The following KDM4A variants were observed in gnomAD, a reference collection of about 807,000 sequenced individuals.
KDM4A encodes lysine-specific demethylase 4A.
In KDM4A, 23 loss-of-function variants were observed where a neutral mutation model predicts 127.1. The observed-to-expected ratio is 0.18, with a 90% confidence interval of 0.13 to 0.26. The LOEUF is 0.26. Ranked by LOEUF, KDM4A falls within the 10% of genes least tolerant of loss-of-function variation. The pLI is 1.00. For missense variants in KDM4A, 890 were observed against 1,329.1 expected (o/e 0.67, Z 5.14); for synonymous variants, 443 against 466.5 (o/e 0.95, Z 0.65).
At chr1:43,674,537 G>T (rs1330596020) in intron 11 of KDM4A, among the ~76,000 whole-genome samples, 4 of 150,910 alleles carry the variant, frequency 2.7e-5, no homozygotes, top group Admixed American at 1.3e-4. Flanking sequence ...TTTGTGGGGG[G>T]ACTGAGTCTC....
At chr1:43,675,154 A>G (rs1337926640) in intron 11 of KDM4A, among the ~76,000 whole-genome samples, 1 of 152,172 alleles carries the variant, frequency 6.6e-6, no homozygotes, top group Non-Finnish European at 1.5e-5. Flanking sequence ...TCTCTGCTCC[A>G]TCGCCAACCA....
chr1:43,661,563 T>G (rs570680698), intron 4 of KDM4A, among the ~76,000 whole-genome samples: 1 of 139,114 alleles, frequency 7.2e-6, no homozygotes, highest in Non-Finnish European at 1.5e-5. Flanking sequence ...GAGCCGAGAT[T>G]GCACCACTGC....
In KDM4A at chr1:43,694,702, G is replaced by A. The variant is rs760373728; in HGVS notation, c.2485-7G>A. On this transcript the variant is annotated splice_polypyrimidine_tract_variant and splice_region_variant and intron_variant, in intron 17 of 21. Transcript: ENST00000372396. This position sits in a 1 kb window ranked among gnomAD's most constrained non-coding sequence, Gnocchi z 5.2. ...GCAATCACTGGTTTTCTTCCCCTGT[G>A]CTACAGAAATGTATCTTCTGTAAGA... The A allele has an allele frequency of 2.5e-6, 4 of 1,600,184 alleles. No homozygotes were observed. Among genetic ancestry groups the A allele is most frequent in the Admixed American group, 1.7e-5 (1 of 59,732 alleles).
At chr1:43,684,492 G>T (rs1437216328) in intron 12 of KDM4A, among the ~76,000 whole-genome samples, 2 of 152,080 alleles carry the variant, frequency 1.3e-5, no homozygotes, top group Non-Finnish European at 2.9e-5. Context: ...GACAGAGCGA[G>T]ATGCCATCTC....
intron 3 of KDM4A, 21 bp downstream of exon 3, chr1:43,655,787 A>C (rs1660223431): frequency 6.3e-7 from 1 of 1,593,690 alleles, no homozygotes; most frequent in Non-Finnish European, 8.6e-7. Context: ...ACCCTTTCTT[A>C]CCTGACATAG....
chr1:43,663,029 A>T lies in KDM4A; in HGVS notation c.565A>T (p.Thr189Ser), dbSNP rs1470436148. 2.5e-6 allele frequency: 4 copies of T among 1,614,190 alleles called. No homozygotes were observed. The Admixed American group carries it at 6.7e-5, about 27-fold the overall frequency. Residue 189 changes from threonine to serine, a missense_variant, in exon 5 of 22, where the codon ACT becomes TCT. This residue lies in a region of KDM4A where 141 missense variants were observed against 273.5 expected (regional missense o/e 0.52). Coordinates refer to ENST00000372396, the MANE Select transcript of KDM4A (RefSeq NM_014663.3). The stretch of plus-strand genomic sequence containing the variant: ...GTGGAAGACATCCTTTGCTTGGCAC[A>T]CTGAAGACATGGACCTCTACAGCAT... ...GMWKTSFAWH[T>S]EDMDLYSINY...
intron 1 of KDM4A, among the ~76,000 whole-genome samples, chr1:43,652,586 C>T (rs1439547493): frequency 6.6e-6 from 1 of 151,888 alleles, no homozygotes; most frequent in Non-Finnish European, 1.5e-5. Context: ...TTAACTCAAG[C>T]GATCTGCCCA....
At chr1:43,665,769 G>A in intron 6 of KDM4A, 24 bp downstream of exon 6, 3 of 1,613,106 alleles carry the variant, frequency 1.9e-6, no homozygotes, top group Non-Finnish European at 1.7e-6. Context: ...TCTGTTTGCT[G>A]GATTGGACCC....
intron 3 of KDM4A, among the ~76,000 whole-genome samples, chr1:43,656,294 T>C (rs1314319126): frequency 6.6e-6 from 1 of 151,706 alleles, no homozygotes; most frequent in Non-Finnish European, 1.5e-5. Context: ...TATCTTTCTT[T>C]GTGTAGGCCT....
chr1:43,703,634 G>T lies in KDM4A; in HGVS notation c.2859G>T (p.Gln953His). Residue 953 changes from glutamine to histidine, a missense_variant, in exon 20 of 22, where the codon CAG becomes CAT. Gln to His is a conservative substitution (Grantham distance 24, BLOSUM62 0). Coordinates refer to ENST00000372396, the MANE Select transcript of KDM4A (RefSeq NM_014663.3). ...PEDIVSQDCL[Q>H]FGPPAEGEVV... ...TTCCTCAGAGCCAGGACTGTCTCCA[G>T]TTTGGTCCTCCTGCTGAAGGGGAAG... is the stretch of plus-strand genomic sequence containing the variant. The T allele has an allele frequency of 1.2e-6, 2 of 1,614,058 alleles. No homozygotes were observed. Among genetic ancestry groups the T allele is most frequent in the Non-Finnish European group, 1.7e-6 (2 of 1,179,966 alleles).
chr1:43,690,619 T>A (rs1298813630), intron 13 of KDM4A: 1 of 581,832 alleles, frequency 1.7e-6, no homozygotes, highest in Non-Finnish European at 3.1e-6. Flanking sequence ...TTGCTCCCTT[T>A]TCTCAGTTGT....
At chr1:43,665,837 C>T (rs758767239) in intron 6 of KDM4A, 92 bp downstream of exon 6, 2 of 1,321,598 alleles carry the variant, frequency 1.5e-6, no homozygotes, top group South Asian at 1.2e-5. Context: ...TGGTCAGATA[C>T]TTGCAGGTCC....
intron 4 of KDM4A, among the ~76,000 whole-genome samples, chr1:43,661,984 A>G (rs554652219): frequency 6.6e-6 from 1 of 152,202 alleles, no homozygotes; most frequent in South Asian, 2.1e-4. Flanking sequence ...AACCTCAAAC[A>G]CCGGGGTCAA....
chr1:43,681,212 T>C (rs1186620992), intron 11 of KDM4A, among the ~76,000 whole-genome samples: 1 of 152,198 alleles, frequency 6.6e-6, no homozygotes. Flanking sequence ...AGCTCTTCTA[T>C]GTTCTTTGAC....
intron 13 of KDM4A, 100 bp from the exon 14 acceptor site, chr1:43,690,745 C>A: frequency 9.1e-7 from 1 of 1,094,728 alleles, no homozygotes; most frequent in Non-Finnish European, 1.4e-6. Context: ...TAGCCATAGT[C>A]AGATCGGTAA....
intron 11 of KDM4A, among the ~76,000 whole-genome samples, chr1:43,677,829 T>C (rs1395263374): frequency 1.3e-5 from 2 of 152,234 alleles, no homozygotes; most frequent in Non-Finnish European, 2.9e-5. Flanking sequence ...GATTAACATG[T>C]GATTTTTATA....
intron 12 of KDM4A, among the ~76,000 whole-genome samples, chr1:43,685,761 G>A (rs564399852): frequency 4.0e-5 from 4 of 99,160 alleles, no homozygotes; most frequent in Admixed American, 9.0e-5. Flanking sequence ...GCGAGTCTCT[G>A]TCTCAACAAC....
At position 43,688,998 on chromosome 1, in the gene KDM4A, G is replaced by A. The variant is rs1255048635; in HGVS notation, c.1940G>A (p.Arg647Gln). Reference protein sequence around the residue: ...AKPLSQLWQNRPPNFEAEKEF... With the variant: ...AKPLSQLWQNQPPNFEAEKEF... ...CCTCTGAGCCAACTGTGGCAGAACC[G>A]ACCTCCAAACTTTGAGGCTGAGAAG... Residue 647 changes from arginine to glutamine, a missense_variant, in exon 13 of 22, where the codon CGA becomes CAA. Arg to Gln is a conservative substitution (Grantham distance 43). Around this residue, in one of 7 missense-constraint regions of KDM4A, gnomAD observed 389 missense variants for 485.9 expected, o/e 0.80. Coordinates refer to ENST00000372396, the MANE Select transcript of KDM4A (RefSeq NM_014663.3). This position sits in a 1 kb window ranked among gnomAD's most constrained non-coding sequence, Gnocchi z 4.4. 1.2e-6 allele frequency: 2 copies of A among 1,614,182 alleles called. No homozygotes were observed. The highest frequency in any genetic ancestry group is 1.7e-6 in the Non-Finnish European group (2 of 1,180,040).
In KDM4A at chr1:43,676,987, A is replaced by G. The variant is rs1557912190; in HGVS notation, c.1734+5112A>G. 2.6e-5 allele frequency among the ~76,000 whole-genome samples: 4 copies of G among 152,278 alleles called. No individual in the cohort carries two copies. In the South Asian group the frequency reaches 6.2e-4, roughly 24 times the overall value. ...CATTAATCTGCCTCTCTGCTGAAGT[A>G]TTTGAAAGCACATCCCAGATACCTT... On this transcript the variant is annotated intron_variant, in intron 11 of 21. Transcript: ENST00000372396.
Sources: gnomAD v4.1 joint callset for allele counts (sites outside exome capture counted in the v4.1 genomes callset) on GRCh38, gnomAD v4.1.1 for gene constraint, gnomAD v4.1.1 regional missense constraint, Gnocchi (gnomAD v3.1) non-coding constraint, MANE v1.5 for transcripts, NCBI Gene and HGNC (gene_info 2026-07-23, HGNC 2026-07-21) for gene names.